TXLNA: variants seen among roughly 807,000 people sequenced by gnomAD.
The protein encoded by TXLNA is taxilin alpha.
Under a neutral mutation model 61.4 loss-of-function variants are expected in TXLNA, and 9 were observed. The observed-to-expected ratio is 0.15, with a 90% confidence interval of 0.09 to 0.26. The LOEUF is 0.26. Ranked by LOEUF, TXLNA falls within the 10% of genes least tolerant of loss-of-function variation. TXLNA has a pLI of 1.00. For missense variants in TXLNA, 565 were observed against 688.8 expected, an observed-to-expected ratio of 0.82 and a Z score of 2.01; for synonymous variants, 257 against 267.7, an observed-to-expected ratio of 0.96 and a Z score of 0.39.
chr1:32,180,494 A>G lies in TXLNA; in HGVS notation c.149A>G (p.Gln50Arg). Residue 50 changes from glutamine to arginine, a missense_variant, in exon 2 of 11, where the codon CAG (glutamine) becomes CGG (arginine). Around this residue, in one of 2 missense-constraint regions of TXLNA, gnomAD observed 192 missense variants for 184.8 expected, o/e 1.04. Transcript: ENST00000373610. Reference sequence around the variant, plus strand: ...GAAGCAGAAGGTCCCGGCAGCAGCCAGGCTCCTCGGAAGCCGGAGGGTGTG... The same window carrying G: ...GAAGCAGAAGGTCCCGGCAGCAGCCGGGCTCCTCGGAAGCCGGAGGGTGTG... ...AVEAEGPGSS[Q>R]APRKPEGAQA... is the part of the protein sequence containing the mutation. The G allele has an allele frequency of 1.2e-6, 2 of 1,606,800 alleles. No individual in the cohort carries two copies. Among genetic ancestry groups the G allele is most frequent in the African/African-American group, 1.3e-5 (1 of 74,950 alleles).
intron 6 of TXLNA, among the ~76,000 whole-genome samples, chr1:32,190,728 G>A (rs1642887697): frequency 6.6e-6 from 1 of 152,170 alleles, no homozygotes. Context: ...GGGGAGGGGT[G>A]TACCTGTGAT....
intron 5 of TXLNA, among the ~76,000 whole-genome samples, chr1:32,188,586 C>G (rs895431194): frequency 1.3e-5 from 2 of 150,880 alleles, no homozygotes; most frequent in Admixed American, 1.3e-4. Flanking sequence ...TGCAGTGAGC[C>G]GAGATTGCAT....
intron 3 of TXLNA, among the ~76,000 whole-genome samples, chr1:32,184,029 G>C (rs1031801129): frequency 1.3e-5 from 2 of 152,198 alleles, no homozygotes; most frequent in Non-Finnish European, 2.9e-5. Context: ...GAGCCACCTT[G>C]CCTGGCCGAA....
In TXLNA at chr1:32,180,456, G is replaced by C. The variant is rs764956941; in HGVS notation, c.111G>C (p.Ala37=). 1 of 1,612,866 alleles carries C rather than the reference G, an allele frequency of 6.2e-7. No individual in the cohort carries two copies. Among genetic ancestry groups the C allele is most frequent in the Non-Finnish European group, 8.5e-7 (1 of 1,179,462 alleles). Residue 37 remains alanine, a synonymous_variant, in exon 2 of 11, where the codon GCG becomes GCC. Transcript: ENST00000373610. ...PEGAQERPSQ[A]APAVEAEGPG... is the part of the protein sequence containing the mutation. ...GAGCCCAGGAGCGGCCCAGCCAGGC[G>C]GCTCCTGCAGTAGAAGCAGAAGGTC...
rs149920094 is a variant in TXLNA, at chr1:32,181,461, A to T, written c.389A>T (p.Asn130Ile). ...NGEPEPTPVV[N>I]GEKEPSKGDP... is the part of the protein sequence containing the mutation. ...GAGCCTGAACCAACTCCAGTAGTCA[A>T]TGGAGAGAAGGAACCCTCCAAGGGG... The change falls in exon 3 of 11, where the codon AAT becomes ATT. Residue 130 changes from asparagine (N) to isoleucine (I), a missense_variant. Asn to Ile is a moderately radical substitution (Grantham distance 149). This residue lies in a region of TXLNA where 192 missense variants were observed against 184.8 expected (regional missense o/e 1.04). Coordinates refer to ENST00000373610, the MANE Select transcript of TXLNA (RefSeq NM_175852.4). 8 of 1,613,948 alleles carry T rather than the reference A, an allele frequency of 5.0e-6. No homozygotes were observed. Among genetic ancestry groups the T allele is most frequent in the East Asian group, 2.2e-5 (1 of 44,882 alleles).
At chr1:32,183,760 C>T (rs1021735159) in intron 3 of TXLNA, among the ~76,000 whole-genome samples, 2 of 129,804 alleles carry the variant, frequency 1.5e-5, no homozygotes, top group African/African-American at 5.9e-5. Context: ...TTTTTTTAGA[C>T]AGAGTCTCGC....
rs1426104440 is a variant in TXLNA, at chr1:32,195,993, CTTTTTCTTTTT to C, written c.*804_*814del. Reference sequence around the variant, plus strand: ...TTTCTTTTTCTTTTTTTTTTTTTTTCTTTTTCTTTTTTTTTTGCACATGACAGTGTTTGTAT... The same window carrying C: ...TTTCTTTTTCTTTTTTTTTTTTTTTCTTTTTGCACATGACAGTGTTTGTAT... On this transcript the variant is annotated 3_prime_UTR_variant, in exon 11 of 11. Coordinates refer to ENST00000373610, the MANE Select transcript of TXLNA (RefSeq NM_175852.4). 1 of 130,642 alleles carries C rather than the reference CTTTTTCTTTTT, an allele frequency of 7.7e-6. No individual in the cohort carries two copies. The highest frequency in any genetic ancestry group is 1.5e-5 in the Non-Finnish European group (1 of 64,862). 8.1% of individuals were successfully genotyped at this position (130,642 alleles called of 1,614,324 possible).
intron 4 of TXLNA, among the ~76,000 whole-genome samples, chr1:32,187,530 G>A (rs1237734828): frequency 2.6e-5 from 4 of 152,138 alleles, no homozygotes; most frequent in Non-Finnish European, 5.9e-5. Flanking sequence ...TGAACGCAGC[G>A]CTAACGTTTT....
chr1:32,188,254 A>G, intron 5 of TXLNA, 130 bp downstream of exon 5: 1 of 954,186 alleles, frequency 1.0e-6, no homozygotes, highest in Non-Finnish European at 1.5e-6. Context: ...TAAGTGATTA[A>G]AAATCTTCTG....
intron 5 of TXLNA, among the ~76,000 whole-genome samples, 179 bp downstream of exon 5, chr1:32,188,303 A>C (rs937763981): frequency 6.6e-6 from 1 of 152,246 alleles, no homozygotes; most frequent in Non-Finnish European, 1.5e-5. Context: ...TAATATACTT[A>C]ACCCAATATC....
Position 32,181,509 on chromosome 1 carries a change from G to A in TXLNA, c.437G>A (p.Arg146Gln), listed in dbSNP as rs1479860928. ...SKGDPNTEEI[R>Q]QSDEVGDRDH... ...GGGGATCCAAACACAGAAGAGATCCGGCAGAGTGACGAGGTCGGAGACCGA... is the reference window on the plus strand; with the variant it reads ...GGGGATCCAAACACAGAAGAGATCCAGCAGAGTGACGAGGTCGGAGACCGA... The change falls in exon 3 of 11, where the codon CGG becomes CAG. Residue 146 changes from arginine (R) to glutamine (Q), a missense_variant. Arg to Gln is a conservative substitution (Grantham distance 43, BLOSUM62 1). Transcript: ENST00000373610. The A allele has an allele frequency of 3.1e-6, 5 of 1,603,426 alleles. No homozygotes were observed. Among genetic ancestry groups the A allele is most frequent in the Non-Finnish European group, 3.4e-6 (4 of 1,174,738 alleles).
chr1:32,188,320 A>G (rs1425454306), intron 5 of TXLNA, among the ~76,000 whole-genome samples, 196 bp downstream of exon 5: 1 of 152,236 alleles, frequency 6.6e-6, no homozygotes, highest in Non-Finnish European at 1.5e-5. Flanking sequence ...TATCCAAAAC[A>G]TTACAATTTC....
In TXLNA at chr1:32,195,565, C is replaced by A; in HGVS notation, c.*370C>A. ...TCTCTGTCTGATTTGAGGCTCAGACCCCTCCCTGCCCTTCAGAGCTCAAGA... is the reference window on the plus strand; with the variant it reads ...TCTCTGTCTGATTTGAGGCTCAGACACCTCCCTGCCCTTCAGAGCTCAAGA... On this transcript the variant is annotated 3_prime_UTR_variant, in exon 11 of 11. Transcript: ENST00000373610. 1 of 399,246 alleles carries A rather than the reference C, an allele frequency of 2.5e-6. No homozygotes were observed. Among genetic ancestry groups the A allele is most frequent in the Non-Finnish European group, 4.8e-6 (1 of 208,880 alleles). 24.7% of individuals were successfully genotyped at this position (399,246 alleles called of 1,614,324 possible).
At chr1:32,193,512 GT>G (rs975913898) in intron 9 of TXLNA, among the ~76,000 whole-genome samples, 24 of 150,630 alleles carry the variant, frequency 1.6e-4, no homozygotes, top group African/African-American at 4.7e-4. Context: ...TGTTTGTTTG[GT>G]TTTTTTGGGG....
In TXLNA at chr1:32,192,643, T is replaced by C; in HGVS notation, c.1084-14T>C. ...GGGCTTCTGACAGGATCTGGGGTTC[T>C]GTCTTGGAAATAGCTCCTGAAAGAG... On this transcript the variant is annotated splice_polypyrimidine_tract_variant and intron_variant, in intron 7 of 10. Transcript: ENST00000373610. The surrounding 1 kb of genome is among the most constrained non-coding windows in gnomAD (Gnocchi z 4.2). The C allele has an allele frequency of 6.2e-7, 1 of 1,614,188 alleles. No homozygotes were observed. Among genetic ancestry groups the C allele is most frequent in the Non-Finnish European group, 8.5e-7 (1 of 1,180,004 alleles).
chr1:32,192,768 T>G lies in TXLNA; in HGVS notation c.1158+37T>G. On this transcript the variant is annotated intron_variant, in intron 8 of 10. Transcript: ENST00000373610. The surrounding 1 kb of genome is among the most constrained non-coding windows in gnomAD (Gnocchi z 4.2). ...TAACCTGACCCTGTGCCTTCAAGTT[T>G]CCCTCACTGGGCCCCATCCTGGGGG... 6.2e-7 allele frequency: 1 copy of G among 1,607,270 alleles called. No individual in the cohort carries two copies. Among genetic ancestry groups the G allele is most frequent in the Non-Finnish European group, 8.5e-7 (1 of 1,173,830 alleles).
rs1228825588 is a variant in TXLNA at position 32,184,633 on chromosome 1, G to A, written c.597+17G>A. On this transcript the variant is annotated intron_variant, in intron 4 of 10. Transcript: ENST00000373610. ...GCTGAACTGGTCAGTTCCCCCCTCC[G>A]CGGGCACCTTCCCTGCGTTGGGAAA... 1.9e-6 allele frequency: 3 copies of A among 1,577,308 alleles called. No homozygotes were observed. Among genetic ancestry groups the A allele is most frequent in the East Asian group, 2.3e-5 (1 of 44,134 alleles).
At chr1:32,188,372 C>T (rs569703895) in intron 5 of TXLNA, among the ~76,000 whole-genome samples, 8 of 152,342 alleles carry the variant, frequency 5.3e-5, no homozygotes, top group Admixed American at 4.6e-4. Context: ...GGTGTGGTGG[C>T]TCACACCTGT....
chr1:32,180,523 C>G lies in TXLNA; in HGVS notation c.169+9C>G. The G allele has an allele frequency of 6.3e-7, 1 of 1,589,932 alleles. No homozygotes were observed. The highest frequency in any genetic ancestry group is 8.6e-7 in the Non-Finnish European group (1 of 1,168,762). Reference sequence around the variant, plus strand: ...TCCTCGGAAGCCGGAGGGTGTGTGCCAGCTCTGCGTTGCCAGCGGGCAGGG... The same window carrying G: ...TCCTCGGAAGCCGGAGGGTGTGTGCGAGCTCTGCGTTGCCAGCGGGCAGGG... On this transcript the variant is annotated intron_variant, in intron 2 of 10. Transcript: ENST00000373610.
Sources: allele counts gnomAD v4.1 joint callset (sites outside exome capture counted in the v4.1 genomes callset), GRCh38; gene constraint gnomAD v4.1.1; regional missense constraint gnomAD v4.1.1; non-coding constraint Gnocchi (gnomAD v3.1); transcripts MANE v1.5; gene names NCBI Gene and HGNC (gene_info 2026-07-23, HGNC 2026-07-21).